Variants in TNIK observed in about 807,000 individuals in gnomAD.
TNIK encodes the protein TRAF2 and NCK interacting kinase, also known as TRAF2 and NCK-interacting protein kinase.
In TNIK, 49 loss-of-function variants were observed where a neutral mutation model predicts 191.3. The ratio of observed to expected loss-of-function variants is 0.26; its 90% CI spans 0.20 to 0.32. The LOEUF is 0.32. Ranked by LOEUF, TNIK falls within the 10% of genes least tolerant of loss-of-function variation. The probability of loss-of-function intolerance (pLI) is 1.00; values close to 1 mark genes in which losing one functional copy is unlikely to be tolerated. For synonymous variants in TNIK, 594 were observed against 600.9 expected (o/e 0.99, Z 0.17); for missense variants, 1,155 against 1,702.3 (o/e 0.68, Z 5.66).
chr3:171,262,408 A>T (rs963336398), intron 2 of TNIK, among the ~76,000 whole-genome samples: 1 of 151,990 alleles, frequency 6.6e-6, no homozygotes, highest in Non-Finnish European at 1.5e-5. Context: ...TTCACATCTC[A>T]ATTTGTCTTG....
chr3:171,140,503 T>C lies in TNIK; in HGVS notation c.1228A>G (p.Arg410Gly), dbSNP rs1730669031. ...EQRRRLEEQQRREKELRKQQE... is the reference protein window; with the variant it reads ...EQRRRLEEQQGREKELRKQQE... ...TGCTTCCGCAGCTCCTTCTCTCGCC[T>C]TTGTTGCTGTGGGGCAACAAGCAGA... Residue 410 changes from arginine (R) to glycine (G), a missense_variant, in exon 13 of 33, where the codon AGG (arginine) becomes GGG (glycine). By Grantham distance (125) the Arg-to-Gly change is moderately radical (BLOSUM62 -2). This residue lies in a region of TNIK where 735 missense variants were observed against 848.0 expected (regional missense o/e 0.87). Coordinates refer to ENST00000436636, the MANE Select transcript of TNIK (RefSeq NM_015028.4). 6.2e-7 allele frequency: 1 copy of C among 1,613,244 alleles called. No homozygotes were observed. The highest frequency in any genetic ancestry group is 1.3e-5 in the African/African-American group (1 of 74,902).
At chr3:171,347,571 T>C (rs940701551) in intron 2 of TNIK, among the ~76,000 whole-genome samples, 7 of 152,148 alleles carry the variant, frequency 4.6e-5, no homozygotes, top group African/African-American at 1.7e-4. Flanking sequence ...GATTTTCTTT[T>C]CAAGAGAGCA....
intron 2 of TNIK, among the ~76,000 whole-genome samples, chr3:171,305,503 AAACAAAT>A (rs2108283904): frequency 6.6e-6 from 1 of 152,350 alleles, no homozygotes; most frequent in South Asian, 2.1e-4. Flanking sequence ...CAAGGAACTT[AAACAAAT>A]GTACAAGCAA....
chr3:171,338,140 C>T (rs1354264215), intron 2 of TNIK, among the ~76,000 whole-genome samples: 1 of 151,886 alleles, frequency 6.6e-6, no homozygotes, highest in Non-Finnish European at 1.5e-5. Context: ...CTTATGGCTC[C>T]CCACTCCAAG....
intron 2 of TNIK, among the ~76,000 whole-genome samples, chr3:171,315,449 C>T (rs892896240): frequency 6.6e-6 from 1 of 151,994 alleles, no homozygotes; most frequent in African/African-American, 2.4e-5. Flanking sequence ...ATTAGTGCAC[C>T]ATGGTGTTGT....
chr3:171,338,905 T>G (rs1426149250), intron 2 of TNIK, among the ~76,000 whole-genome samples: 1 of 152,180 alleles, frequency 6.6e-6, no homozygotes, highest in Non-Finnish European at 1.5e-5. Flanking sequence ...AGACAGAGAA[T>G]GGAAGAGCTA....
At chr3:171,441,228 T>A (rs1245167611) in intron 1 of TNIK, among the ~76,000 whole-genome samples, 1 of 152,134 alleles carries the variant, frequency 6.6e-6, no homozygotes, top group African/African-American at 2.4e-5. Context: ...TTACATACCA[T>A]AAAATTCACT....
intron 2 of TNIK, among the ~76,000 whole-genome samples, chr3:171,281,099 A>C (rs1750375151): frequency 6.6e-6 from 1 of 152,176 alleles, no homozygotes. Flanking sequence ...TATTAGTAGG[A>C]AACATTCTGG....
chr3:171,324,924 C>G (rs911375778), intron 2 of TNIK, among the ~76,000 whole-genome samples: 24 of 151,424 alleles, frequency 1.6e-4, no homozygotes, highest in African/African-American at 5.6e-4. Flanking sequence ...TGGTGAAACC[C>G]CGTCTCTACT....
chr3:171,449,709 C>T (rs1472048893), intron 1 of TNIK, among the ~76,000 whole-genome samples: 1 of 151,938 alleles, frequency 6.6e-6, no homozygotes, highest in Non-Finnish European at 1.5e-5. Context: ...AAATTTTCTG[C>T]ACTGACCATG....
chr3:171,189,180 T>C (rs1405407108), intron 6 of TNIK, among the ~76,000 whole-genome samples: 1 of 152,228 alleles, frequency 6.6e-6, no homozygotes, highest in African/African-American at 2.4e-5. Context: ...ACAGTATTTG[T>C]CTTTTTGTGA....
rs201339263 is a variant in TNIK at position 171,338,466 on chromosome 3, C to T, written c.123+31154G>A. Among the ~76,000 whole-genome samples, 3 of 152,004 alleles carry T rather than the reference C, an allele frequency of 2.0e-5. No individual in the cohort carries two copies. In the East Asian group the frequency reaches 5.8e-4, roughly 29 times the overall value. On this transcript the variant is annotated intron_variant, in intron 2 of 32. Transcript: ENST00000436636. ...TTTATTGAATGCTTACTATGTGTGC[C>T]AAGAAATGTGCTTAACTCTTTTTTA... is the stretch of plus-strand genomic sequence containing the variant.
chr3:171,264,107 C>T (rs1260579972), intron 2 of TNIK, among the ~76,000 whole-genome samples: 12 of 58,290 alleles, frequency 2.1e-4, no homozygotes, highest in African/African-American at 9.1e-4. Context: ...CACACACACA[C>T]ACACATATAT....
At chr3:171,338,753 T>G (rs960645429) in intron 2 of TNIK, among the ~76,000 whole-genome samples, 3 of 151,898 alleles carry the variant, frequency 2.0e-5, no homozygotes, top group African/African-American at 7.2e-5. Flanking sequence ...TTCACTTGCC[T>G]TGGCCTCCCA....
At chr3:171,161,781 G>T (rs973770992) in intron 10 of TNIK, among the ~76,000 whole-genome samples, 3 of 151,806 alleles carry the variant, frequency 2.0e-5, no homozygotes, top group Admixed American at 2.0e-4. Flanking sequence ...TTAGCCGGGC[G>T]TGGTGGCGGG....
chr3:171,352,106 C>G (rs7642561), intron 2 of TNIK, among the ~76,000 whole-genome samples: 91,024 of 152,074 alleles, frequency 0.6, 28,454 homozygotes, highest in East Asian at 0.97. Context: ...CCAACAATCT[C>G]CCAGGAGGTG....
At chr3:171,445,436 A>ATG (rs1178263946) in intron 1 of TNIK, among the ~76,000 whole-genome samples, 3 of 151,522 alleles carry the variant, frequency 2.0e-5, no homozygotes, top group Admixed American at 6.6e-5. Flanking sequence ...AAAAAAAAAA[A>ATG]GTTGAGAGAG....
At chr3:171,375,365 C>G (rs10513697) in intron 1 of TNIK, among the ~76,000 whole-genome samples, 6,613 of 152,166 alleles carry the variant, frequency 0.043, 450 homozygotes, top group African/African-American at 0.15. Context: ...GGCCAGTAAA[C>G]GAAAACCTAT....
At chr3:171,329,665 C>G (rs931729815) in intron 2 of TNIK, among the ~76,000 whole-genome samples, 34 of 152,236 alleles carry the variant, frequency 2.2e-4, no homozygotes, top group African/African-American at 8.2e-4. Flanking sequence ...TTTATTTATG[C>G]CAGTCATTAG....
Sources: allele counts gnomAD v4.1 joint callset (sites outside exome capture counted in the v4.1 genomes callset), GRCh38; gene constraint gnomAD v4.1.1; regional missense constraint gnomAD v4.1.1; transcripts MANE v1.5; gene names NCBI Gene and HGNC (gene_info 2026-07-23, HGNC 2026-07-21).